The following RANBP2 variants were observed in gnomAD, a reference collection of about 807,000 sequenced individuals.
RANBP2 encodes RAN binding protein 2.
In RANBP2, 57 loss-of-function variants were observed where a neutral mutation model predicts 303.6. The ratio of observed to expected loss-of-function variants is 0.19; its 90% CI spans 0.15 to 0.23. The LOEUF is 0.23. RANBP2 is among the 10% of genes least tolerant of loss of function. The probability of loss-of-function intolerance (pLI) is 1.00; values close to 1 mark genes in which losing one functional copy is unlikely to be tolerated. For missense variants in RANBP2, 3,138 were observed against 3,780.8 expected, an observed-to-expected ratio of 0.83 and a Z score of 4.46; for synonymous variants, 1,167 against 1,301.5, an observed-to-expected ratio of 0.90 and a Z score of 2.23.
the RANBP2 span, among the ~76,000 whole-genome samples, chr2:109,329,833 A>T: frequency 6.6e-6 from 1 of 152,214 alleles, no homozygotes; most frequent in Admixed American, 6.5e-5. Flanking sequence ...CAGTTTTGTA[A>T]GGTTTGGAAC....
At chr2:108,944,135 A>G in the RANBP2 span, among the ~76,000 whole-genome samples, 70 of 151,992 alleles carry the variant, frequency 4.6e-4, no homozygotes, top group African/African-American at 1.6e-3. Context: ...TTTTTTTGAG[A>G]CAGAGTCTCG....
At chr2:108,746,628 A>G (rs1249187256) in intron 7 of RANBP2, 83 bp from the exon 8 acceptor site, 5 of 1,010,098 alleles carry the variant, frequency 5.0e-6, no homozygotes, top group Non-Finnish European at 7.2e-6. Flanking sequence ...TATCAAAAAA[A>G]GTACAGTGTA....
the RANBP2 span, among the ~76,000 whole-genome samples, chr2:109,717,455 G>A: frequency 2.0e-5 from 3 of 152,098 alleles, no homozygotes; most frequent in Non-Finnish European, 4.4e-5. Flanking sequence ...GGCGGTGGAC[G>A]CCTGTAATCC....
the RANBP2 span, among the ~76,000 whole-genome samples, chr2:109,307,461 T>G: frequency 9.8e-4 from 148 of 150,538 alleles, no homozygotes; most frequent in South Asian, 1.7e-3. Flanking sequence ...TTAGGGTACA[T>G]GTGCACATTG....
chr2:109,453,402 A>T, the RANBP2 span, among the ~76,000 whole-genome samples: 1 of 152,228 alleles, frequency 6.6e-6, no homozygotes, highest in African/African-American at 2.4e-5. Context: ...TGCTTGAAAC[A>T]ACCATGGAAC....
the RANBP2 span, among the ~76,000 whole-genome samples, chr2:108,974,761 G>C: frequency 3.9e-5 from 6 of 152,014 alleles, no homozygotes; most frequent in Non-Finnish European, 8.8e-5. Context: ...CCATTTTTCA[G>C]ATAAAGAAAC....
chr2:109,455,721 C>G, the RANBP2 span, among the ~76,000 whole-genome samples: 1 of 152,196 alleles, frequency 6.6e-6, no homozygotes, highest in African/African-American at 2.4e-5. Flanking sequence ...TAGGTAGACC[C>G]TTACTCGTCC....
downstream of RANBP2, among the ~76,000 whole-genome samples, chr2:108,789,967 G>T (rs1558960537): frequency 6.6e-6 from 1 of 152,206 alleles, no homozygotes; most frequent in Non-Finnish European, 1.5e-5. Flanking sequence ...AACATGAAAT[G>T]TTGAAATAAT....
chr2:109,307,209 T>C, the RANBP2 span, among the ~76,000 whole-genome samples: 47,244 of 152,120 alleles, frequency 0.31, 9,052 homozygotes, highest in African/African-American at 0.54. Context: ...CATTTGAAAA[T>C]TGAATATTCA....
the RANBP2 span, among the ~76,000 whole-genome samples, chr2:109,307,830 AC>A: frequency 2.1e-5 from 3 of 140,266 alleles, no homozygotes; most frequent in African/African-American, 8.7e-5. Context: ...TCATTGTTGG[AC>A]ATTTGGGTTG....
the RANBP2 span, chr2:108,846,886 T>G: frequency 3.1e-6 from 5 of 1,613,294 alleles, no homozygotes; most frequent in Non-Finnish European, 4.2e-6. Context: ...AATTTGCCAT[T>G]GAGATTTTTA....
the RANBP2 span, among the ~76,000 whole-genome samples, chr2:109,395,622 G>T: frequency 2.5e-4 from 38 of 152,354 alleles, no homozygotes; most frequent in Admixed American, 5.2e-4. Context: ...GATGCATGCT[G>T]TCTCCCCACC....
At chr2:109,581,854 G>T in the RANBP2 span, among the ~76,000 whole-genome samples, 1 of 152,108 alleles carries the variant, frequency 6.6e-6, no homozygotes, top group African/African-American at 2.4e-5. Flanking sequence ...GAAATAAAAG[G>T]CATCCAAATA....
chr2:109,294,157 T>C, the RANBP2 span, among the ~76,000 whole-genome samples: 2 of 152,190 alleles, frequency 1.3e-5, no homozygotes, highest in Non-Finnish European at 2.9e-5. Context: ...TGCCCGAAAG[T>C]CTTTCTTCCA....
the RANBP2 span, among the ~76,000 whole-genome samples, chr2:108,956,008 A>G: frequency 1.3e-5 from 2 of 152,186 alleles, no homozygotes; most frequent in South Asian, 4.1e-4. Context: ...CAGCCTGGGC[A>G]ACAGGGCAAG....
At chr2:109,277,002 A>G in the RANBP2 span, among the ~76,000 whole-genome samples, 7 of 152,184 alleles carry the variant, frequency 4.6e-5, no homozygotes, top group Middle Eastern at 3.2e-3. Flanking sequence ...GCAAATGGAC[A>G]GAATCAACAG....
the RANBP2 span, among the ~76,000 whole-genome samples, chr2:108,832,318 C>T: frequency 6.6e-6 from 1 of 150,686 alleles, no homozygotes; most frequent in Admixed American, 6.6e-5. Context: ...TGACCCACCA[C>T]ACCTGGCCAG....
At chr2:109,580,835 T>C in the RANBP2 span, among the ~76,000 whole-genome samples, 1 of 152,240 alleles carries the variant, frequency 6.6e-6, no homozygotes. Context: ...GCTTCCTGAC[T>C]GGGGACAAGT....
chr2:108,786,724 G>T (rs908859494), downstream of RANBP2: 116 of 1,140,314 alleles, frequency 1.0e-4, no homozygotes, highest in East Asian at 1.6e-4. Context: ...CGTGCCTCGG[G>T]GGGGCGGGGT....
Sources: allele counts gnomAD v4.1 joint callset (sites outside exome capture counted in the v4.1 genomes callset), GRCh38; gene constraint gnomAD v4.1.1; transcripts MANE v1.5; gene names NCBI Gene and HGNC (gene_info 2026-07-23, HGNC 2026-07-21).